Variants in CXADR observed in about 807,000 individuals in gnomAD.
The protein encoded by CXADR is coxsackievirus and adenovirus receptor.
A neutral mutation model predicts 40.3 loss-of-function variants in CXADR; 20 were observed. The observed-to-expected ratio is 0.50, with a 90% CI of 0.35 to 0.72. The LOEUF is 0.72. CXADR is among the 30% of genes least tolerant of loss of function. The pLI is 0.01. For synonymous variants in CXADR, 150 were observed against 161.3 expected, an observed-to-expected ratio of 0.93 and a Z score of 0.53; for missense variants, 332 against 449.1, an observed-to-expected ratio of 0.74 and a Z score of 2.36.
intron 1 of CXADR, among the ~76,000 whole-genome samples, chr21:17,517,138 T>C (rs2060471772): frequency 6.6e-6 from 1 of 152,144 alleles, no homozygotes. Flanking sequence ...CTGTATTAGT[T>C]TGATGATGGG....
chr21:17,616,270 A>AG, the CXADR span, among the ~76,000 whole-genome samples: 1 of 151,606 alleles, frequency 6.6e-6, no homozygotes, highest in Admixed American at 6.6e-5. Flanking sequence ...AAAGAAGGAA[A>AG]AAAAAACAGT....
At chr21:17,554,686 G>T (rs1219182709) in intron 3 of CXADR, among the ~76,000 whole-genome samples, 1 of 152,172 alleles carries the variant, frequency 6.6e-6, no homozygotes, top group Non-Finnish European at 1.5e-5. Context: ...TTCTCTCGAA[G>T]GTGAAAATTA....
At chr21:17,605,032 A>G in the CXADR span, 2 of 1,603,278 alleles carry the variant, frequency 1.2e-6, no homozygotes, top group Admixed American at 1.7e-5. Context: ...ATGGATTTAA[A>G]TGAATTTAAT....
the CXADR span, among the ~76,000 whole-genome samples, chr21:17,602,158 C>CA: frequency 1.7e-3 from 234 of 139,906 alleles, 1 homozygote; most frequent in Middle Eastern, 3.7e-3. Context: ...CAGAAATCAC[C>CA]AAAAAAAAAA....
In CXADR at chr21:17,557,035, T is replaced by G. The variant is rs1041292650; in HGVS notation, c.416-1941T>G. Among the ~76,000 whole-genome samples, 3 of 152,192 alleles carry G rather than the reference T, an allele frequency of 2.0e-5. No homozygotes were observed. In the East Asian group the frequency reaches 5.8e-4, roughly 29 times the overall value. ...TCACATGAGTGTTCAAGCAGCATTA[T>G]TCATAATACTGCAAAACAAAAATGC... On this transcript the variant is annotated intron_variant, in intron 3 of 6. Coordinates refer to ENST00000284878, the MANE Select transcript of CXADR (RefSeq NM_001338.5).
chr21:17,592,824 G>GTCTC (rs1196586698), intron 7 of CXADR, among the ~76,000 whole-genome samples: 3 of 151,804 alleles, frequency 2.0e-5, no homozygotes, highest in Non-Finnish European at 4.4e-5. Context: ...AGCTAGAAAA[G>GTCTC]TCTCTAAGGT....
the CXADR span, among the ~76,000 whole-genome samples, chr21:17,635,739 TC>T: frequency 6.6e-6 from 1 of 152,240 alleles, no homozygotes; most frequent in Non-Finnish European, 1.5e-5. Flanking sequence ...CTAACTTTGT[TC>T]TTTTTTCTTC....
At chr21:17,563,940 C>CAGAAAAAAAAAAAAAAAA (rs2061161985) in intron 6 of CXADR, among the ~76,000 whole-genome samples, 1 of 37,222 alleles carries the variant, frequency 2.7e-5, no homozygotes, top group Non-Finnish European at 5.7e-5. Flanking sequence ...GACTCTGTCT[C>CAGAAAAAAAAAAAAAAAA]AAAAAAAAAA....
the CXADR span, among the ~76,000 whole-genome samples, chr21:17,631,905 G>C: frequency 6.6e-6 from 1 of 152,076 alleles, no homozygotes; most frequent in Non-Finnish European, 1.5e-5. Context: ...TCTATCTCCT[G>C]GGCTCAATAG....
At chr21:17,615,606 A>G in the CXADR span, among the ~76,000 whole-genome samples, 1 of 152,218 alleles carries the variant, frequency 6.6e-6, no homozygotes, top group Non-Finnish European at 1.5e-5. Flanking sequence ...GTACTGTACC[A>G]CTGGTAACTA....
chr21:17,564,492 A>G (rs1208674712), intron 6 of CXADR, among the ~76,000 whole-genome samples: 1 of 152,060 alleles, frequency 6.6e-6, no homozygotes, highest in Non-Finnish European at 1.5e-5. Flanking sequence ...AAAAAGCTGT[A>G]CATGTTAGGT....
At chr21:17,520,099 A>G (rs889090332) in intron 1 of CXADR, among the ~76,000 whole-genome samples, 6 of 151,938 alleles carry the variant, frequency 3.9e-5, no homozygotes, top group African/African-American at 1.2e-4. Flanking sequence ...TAACTATTCA[A>G]CTTCCATTCG....
intron 5 of CXADR, 71 bp downstream of exon 5, chr21:17,560,895 CA>C: frequency 6.3e-7 from 1 of 1,584,884 alleles, no homozygotes; most frequent in Non-Finnish European, 8.6e-7. Context: ...GTTCAGTCAG[CA>C]AGTGTGTATT....
intron 1 of CXADR, among the ~76,000 whole-genome samples, chr21:17,543,767 C>T (rs2060858894): frequency 6.6e-6 from 1 of 152,012 alleles, no homozygotes; most frequent in South Asian, 2.1e-4. Context: ...TTATTTCAGC[C>T]CTAATAGAGC....
intron 1 of CXADR, among the ~76,000 whole-genome samples, chr21:17,524,785 T>G (rs1356751330): frequency 6.6e-6 from 1 of 151,548 alleles, no homozygotes; most frequent in Non-Finnish European, 1.5e-5. Context: ...GGCACGTTCC[T>G]GTAGTCCCAG....
chr21:17,515,431 G>C (rs956385972), intron 1 of CXADR, among the ~76,000 whole-genome samples: 4 of 151,768 alleles, frequency 2.6e-5, no homozygotes, highest in Admixed American at 6.6e-5. Flanking sequence ...CTGGGCGACA[G>C]AGTGAGACTC....
chr21:17,588,589 A>C (rs2061413956), intron 7 of CXADR, among the ~76,000 whole-genome samples: 1 of 152,088 alleles, frequency 6.6e-6, no homozygotes, highest in Non-Finnish European at 1.5e-5. Context: ...TGGATTCTTC[A>C]TCTTTAATTT....
At chr21:17,629,829 AAAT>A in the CXADR span, among the ~76,000 whole-genome samples, 1 of 41,986 alleles carries the variant, frequency 2.4e-5, no homozygotes, top group Non-Finnish European at 4.1e-5. Flanking sequence ...ACAAATAAGC[AAAT>A]AAATAAATAA....
the CXADR span, among the ~76,000 whole-genome samples, chr21:17,610,458 T>G: frequency 6.6e-6 from 1 of 152,190 alleles, no homozygotes; most frequent in African/African-American, 2.4e-5. Flanking sequence ...TCAGGACATA[T>G]TTAAGAAATG....
Sources: gnomAD v4.1 joint callset for allele counts (sites outside exome capture counted in the v4.1 genomes callset) on GRCh38, gnomAD v4.1.1 for gene constraint, MANE v1.5 for transcripts, NCBI Gene and HGNC (gene_info 2026-07-23, HGNC 2026-07-21) for gene names.